Variants in CDH13 observed in about 807,000 individuals in gnomAD.
The protein encoded by CDH13 is cadherin 13.
In CDH13, 24 loss-of-function variants were observed where a neutral mutation model predicts 63.8. The ratio of observed to expected loss-of-function variants is 0.38; its 90% confidence interval spans 0.27 to 0.53. CDH13 has a LOEUF of 0.53. Among genes scored for constraint, CDH13 ranks in the 20% least tolerant of loss-of-function variants. The pLI is 0.85. For synonymous variants in CDH13, 503 were observed against 355.3 expected (o/e 1.42, Z -4.67); for missense variants, 1,049 against 903.1 (o/e 1.16, Z -2.07).
chr16:82,858,818 C>T, intron 2 of CDH13: 1 of 360,888 alleles, frequency 2.8e-6, no homozygotes, highest in Non-Finnish European at 5.0e-6. Flanking sequence ...TCATTGCCTT[C>T]TCGCAGATTG....
intron 4 of CDH13, among the ~76,000 whole-genome samples, chr16:83,170,009 T>C (rs60083875): frequency 4.6e-5 from 7 of 152,122 alleles, no homozygotes; most frequent in Admixed American, 1.3e-4. Context: ...TAATTTTCCT[T>C]CCAAATGTTA....
intron 7 of CDH13, among the ~76,000 whole-genome samples, chr16:83,525,076 C>G (rs188708452): frequency 5.3e-5 from 8 of 152,168 alleles, no homozygotes; most frequent in Non-Finnish European, 8.8e-5. Context: ...TGGAATCAAA[C>G]GGCAATTTAC....
intron 2 of CDH13, among the ~76,000 whole-genome samples, chr16:82,893,486 A>T (rs2041150808): frequency 6.6e-6 from 1 of 152,276 alleles, no homozygotes; most frequent in Non-Finnish European, 1.5e-5. Flanking sequence ...AGTTTATTAT[A>T]AAGTGTTAAT....
At chr16:83,397,337 T>A (rs1174956707) in intron 6 of CDH13, 2 of 152,220 alleles carry the variant, frequency 1.3e-5, no homozygotes, top group Non-Finnish European at 2.9e-5. Context: ...AGCCAAGGTA[T>A]GTTCTCACTT....
chr16:82,833,119 G>A (rs997586641), intron 1 of CDH13, among the ~76,000 whole-genome samples: 13 of 152,218 alleles, frequency 8.5e-5, no homozygotes, highest in Admixed American at 7.9e-4. Context: ...GCCAATGTGA[G>A]AGACCAGTGA....
At chr16:83,703,225 A>G (rs187732458) in intron 10 of CDH13, among the ~76,000 whole-genome samples, 3 of 152,336 alleles carry the variant, frequency 2.0e-5, no homozygotes, top group Admixed American at 2.0e-4. Flanking sequence ...CTTTTTTCCA[A>G]CAGTCACACT....
chr16:82,726,066 A>G (rs1333364659), intron 1 of CDH13, among the ~76,000 whole-genome samples: 1 of 152,166 alleles, frequency 6.6e-6, no homozygotes, highest in Non-Finnish European at 1.5e-5. Flanking sequence ...ACAGGGTTTC[A>G]TTAATCATGG....
chr16:82,720,147 T>G (rs1235559484), intron 1 of CDH13, among the ~76,000 whole-genome samples: 2 of 152,124 alleles, frequency 1.3e-5, no homozygotes, highest in Non-Finnish European at 2.9e-5. Context: ...TTGCTCAATT[T>G]TTGGTGAATC....
At chr16:82,881,207 C>T (rs1464024824) in intron 2 of CDH13, among the ~76,000 whole-genome samples, 9 of 152,086 alleles carry the variant, frequency 5.9e-5, no homozygotes, top group African/African-American at 9.7e-5. Flanking sequence ...TAGAGGCTTC[C>T]GTTCGTGTCT....
intron 5 of CDH13, among the ~76,000 whole-genome samples, chr16:83,284,538 G>A (rs758137939): frequency 6.6e-6 from 1 of 152,106 alleles, no homozygotes; most frequent in Non-Finnish European, 1.5e-5. Flanking sequence ...GAAAAGAATT[G>A]AGCATTTTTT....
At chr16:83,016,125 A>G (rs1234501203) in intron 2 of CDH13, among the ~76,000 whole-genome samples, 3 of 152,110 alleles carry the variant, frequency 2.0e-5, no homozygotes, top group African/African-American at 7.2e-5. Flanking sequence ...GGCCTAAGGG[A>G]TGTAATAAAA....
intron 5 of CDH13, among the ~76,000 whole-genome samples, chr16:83,243,496 C>A (rs1904682750): frequency 6.6e-6 from 1 of 152,138 alleles, no homozygotes; most frequent in African/African-American, 2.4e-5. Flanking sequence ...TCCCACAACA[C>A]ATGGTAATTG....
intron 6 of CDH13, among the ~76,000 whole-genome samples, chr16:83,347,328 A>C (rs1415037686): frequency 1.9e-5 from 2 of 103,828 alleles, no homozygotes; most frequent in Non-Finnish European, 3.6e-5. Context: ...TTCGACACCC[A>C]CTGGGAGTAA....
chr16:82,952,354 T>C (rs1487517226), intron 2 of CDH13, among the ~76,000 whole-genome samples: 2 of 152,174 alleles, frequency 1.3e-5, no homozygotes, highest in Non-Finnish European at 2.9e-5. Flanking sequence ...GGTATTTCTA[T>C]ATGCAAAGCT....
At chr16:83,201,705 G>A (rs530028070) in intron 4 of CDH13, among the ~76,000 whole-genome samples, 22 of 151,554 alleles carry the variant, frequency 1.5e-4, no homozygotes, top group Non-Finnish European at 2.5e-4. Flanking sequence ...AGACCATCCC[G>A]GCTAACATGG....
At chr16:82,895,563 C>T (rs890586574) in intron 2 of CDH13, among the ~76,000 whole-genome samples, 4 of 152,132 alleles carry the variant, frequency 2.6e-5, no homozygotes, top group South Asian at 4.1e-4. Context: ...TCAGGGTTCA[C>T]TCTTAATATT....
intron 6 of CDH13, among the ~76,000 whole-genome samples, chr16:83,416,001 C>A (rs2092195122): frequency 6.6e-6 from 1 of 152,014 alleles, no homozygotes; most frequent in Non-Finnish European, 1.5e-5. Context: ...TAGAAAATAA[C>A]TGAAGAACCC....
At chr16:82,890,267 C>T (rs1330037350) in intron 2 of CDH13, among the ~76,000 whole-genome samples, 5 of 152,158 alleles carry the variant, frequency 3.3e-5, no homozygotes, top group African/African-American at 1.2e-4. Flanking sequence ...AGATCTTCAA[C>T]AATAGCCATC....
At chr16:83,472,377 G>C (rs922941215) in intron 6 of CDH13, among the ~76,000 whole-genome samples, 3 of 152,222 alleles carry the variant, frequency 2.0e-5, no homozygotes, top group Non-Finnish European at 2.9e-5. Flanking sequence ...CTTTAACAAA[G>C]GGGAATTGAT....
Sources: gnomAD v4.1 joint callset for allele counts (sites outside exome capture counted in the v4.1 genomes callset) on GRCh38, gnomAD v4.1.1 for gene constraint, MANE v1.5 for transcripts, NCBI Gene and HGNC (gene_info 2026-07-23, HGNC 2026-07-21) for gene names.